ARHGAP12: variants seen among roughly 807,000 people sequenced by gnomAD.
ARHGAP12 encodes the protein Rho GTPase activating protein 12.
ARHGAP12 carries 64 observed loss-of-function variants against 108.6 expected under a neutral mutation model. That is an observed-to-expected ratio of 0.59 (90% CI 0.48 to 0.73). The LOEUF (loss-of-function observed/expected upper bound fraction) is 0.73. ARHGAP12 is among the 30% of genes least tolerant of loss of function. ARHGAP12 has a pLI of 0.00. For missense variants in ARHGAP12, 940 were observed against 1,005.9 expected (o/e 0.93, Z 0.89); for synonymous variants, 312 against 337.2 (o/e 0.93, Z 0.82).
At chr10:31,926,204 A>T (rs529808338) in intron 1 of ARHGAP12, among the ~76,000 whole-genome samples, 3 of 152,342 alleles carry the variant, frequency 2.0e-5, no homozygotes, top group Non-Finnish European at 4.4e-5. Flanking sequence ...GTTCAGTTCA[A>T]TTAAAGAGCT....
In ARHGAP12 at chr10:31,806,174, A is replaced by G. The variant is rs1372369514; in HGVS notation, c.*1484T>C. 5 of 152,326 alleles carry G rather than the reference A, an allele frequency of 3.3e-5. No homozygotes were observed. Among genetic ancestry groups the G allele is most frequent in the African/African-American group, 1.2e-4 (5 of 41,574 alleles). 9.4% of individuals were successfully genotyped at this position (152,326 alleles called of 1,614,324 possible). On this transcript the variant is annotated 3_prime_UTR_variant, in exon 20 of 20. Transcript: ENST00000344936. ...CATGGAAGAGAGGAGAAAAGGTATG[A>G]AATGAGGAAAGTGTTATTTGCCACA...
rs557490133 is a variant in ARHGAP12, at chr10:31,890,636, T to C, written c.684+17536A>G. Among the ~76,000 whole-genome samples, 3 of 152,278 alleles carry C rather than the reference T, an allele frequency of 2.0e-5. No homozygotes were observed. In the East Asian group the frequency reaches 5.8e-4, roughly 29 times the overall value. The stretch of plus-strand genomic sequence containing the variant: ...TCCAGGAGTGTGGCAAGAGAGGACT[T>C]ATCAAAAAGATTTATCAGCAGCAAG... On this transcript the variant is annotated intron_variant, in intron 3 of 19. Coordinates refer to ENST00000344936, the MANE Select transcript of ARHGAP12 (RefSeq NM_018287.7).
At chr10:31,836,263 G>T (rs1242952140) in intron 9 of ARHGAP12, among the ~76,000 whole-genome samples, 1 of 152,034 alleles carries the variant, frequency 6.6e-6, no homozygotes, top group South Asian at 2.1e-4. Context: ...ACTTTACTCA[G>T]TATTCAGTAA....
chr10:31,846,555 T>C (rs1482611865), intron 6 of ARHGAP12, among the ~76,000 whole-genome samples: 1 of 152,214 alleles, frequency 6.6e-6, no homozygotes, highest in African/African-American at 2.4e-5. Context: ...CTGGCTTCCA[T>C]GGCTTCTGAT....
chr10:31,905,552 C>T (rs192725892), intron 3 of ARHGAP12, among the ~76,000 whole-genome samples: 107 of 151,804 alleles, frequency 7.0e-4, no homozygotes, highest in Non-Finnish European at 1.1e-3. Flanking sequence ...TTCCAGGGGT[C>T]GCCGATAAAG....
At chr10:31,850,647 G>A (rs1000854999) in intron 6 of ARHGAP12, among the ~76,000 whole-genome samples, 11 of 152,026 alleles carry the variant, frequency 7.2e-5, no homozygotes, top group African/African-American at 2.7e-4. Flanking sequence ...GGTAACAGTC[G>A]TACTAAGCTT....
At chr10:31,881,364 C>T (rs899774182) in intron 3 of ARHGAP12, among the ~76,000 whole-genome samples, 9 of 151,906 alleles carry the variant, frequency 5.9e-5, no homozygotes, top group Admixed American at 2.6e-4. Context: ...GAGGCCAACA[C>T]GGAACACACA....
At chr10:31,910,304 T>C (rs1403973931) in intron 2 of ARHGAP12, among the ~76,000 whole-genome samples, 1 of 152,278 alleles carries the variant, frequency 6.6e-6, no homozygotes, top group Admixed American at 6.5e-5. Context: ...CTACTAATTT[T>C]CTATAGCAAA....
chr10:31,923,656 T>C lies in ARHGAP12; in HGVS notation c.-111+5027A>G, dbSNP rs185982196. Among the ~76,000 whole-genome samples the C allele has an allele frequency of 1.7e-4, 26 of 152,322 alleles. No individual in the cohort carries two copies. The East Asian group carries it at 4.6e-3, about 27-fold the overall frequency. On this transcript the variant is annotated intron_variant, in intron 1 of 19. Coordinates refer to ENST00000344936, the MANE Select transcript of ARHGAP12 (RefSeq NM_018287.7). ...CTGGGTGAATCTCAAAATAATTTTC[T>C]TGAGTGAAGAAAAATCCAGACCAGA...
intron 3 of ARHGAP12, among the ~76,000 whole-genome samples, chr10:31,881,167 G>GA (rs926063861): frequency 4.7e-5 from 7 of 148,396 alleles, no homozygotes; most frequent in Admixed American, 1.3e-4. Context: ...AAGAAAAAAA[G>GA]AAAAAAAACT....
At chr10:31,922,269 A>AGAG (rs928004351) in intron 1 of ARHGAP12, among the ~76,000 whole-genome samples, 18 of 151,658 alleles carry the variant, frequency 1.2e-4, no homozygotes, top group African/African-American at 4.4e-4. Context: ...TGGGAACAAA[A>AGAG]GAGAAAAGAA....
At chr10:31,860,492 C>G (rs763895783) in intron 4 of ARHGAP12, among the ~76,000 whole-genome samples, 1 of 152,216 alleles carries the variant, frequency 6.6e-6, no homozygotes, top group Admixed American at 6.5e-5. Flanking sequence ...ATTTACTGCA[C>G]CATCCTGCAA....
chr10:31,878,115 T>G (rs1326616065), intron 3 of ARHGAP12, among the ~76,000 whole-genome samples: 1 of 152,128 alleles, frequency 6.6e-6, no homozygotes, highest in Non-Finnish European at 1.5e-5. Flanking sequence ...ATGATTAAGC[T>G]GCACAAAATG....
chr10:31,810,099 G>A (rs569622018), intron 16 of ARHGAP12, among the ~76,000 whole-genome samples: 1 of 152,222 alleles, frequency 6.6e-6, no homozygotes, highest in Admixed American at 6.5e-5. Flanking sequence ...ATAAGTTAAT[G>A]TGATTACAAT....
chr10:31,883,491 A>G (rs1390430425), intron 3 of ARHGAP12, among the ~76,000 whole-genome samples: 2 of 152,206 alleles, frequency 1.3e-5, no homozygotes, highest in African/African-American at 2.4e-5. Context: ...AACATAGTAG[A>G]GGTATTTTTA....
intron 3 of ARHGAP12, among the ~76,000 whole-genome samples, chr10:31,871,511 T>G (rs545866480): frequency 1.3e-5 from 2 of 152,236 alleles, no homozygotes; most frequent in Admixed American, 1.3e-4. Context: ...CTGAACAGTC[T>G]CTTCACCCTG....
intron 3 of ARHGAP12, among the ~76,000 whole-genome samples, chr10:31,897,369 A>T (rs1838742781): frequency 6.6e-6 from 1 of 152,076 alleles, no homozygotes; most frequent in Non-Finnish European, 1.5e-5. Flanking sequence ...CACACACACT[A>T]AAAGGCTAAG....
At chr10:31,828,695 A>AT (rs538757106) in intron 10 of ARHGAP12, among the ~76,000 whole-genome samples, 14 of 151,426 alleles carry the variant, frequency 9.2e-5, no homozygotes, top group Admixed American at 3.3e-4. Flanking sequence ...AATTAGTCAC[A>AT]TTTTTTTTTC....
chr10:31,893,468 C>G (rs1008542947), intron 3 of ARHGAP12, among the ~76,000 whole-genome samples: 1 of 152,190 alleles, frequency 6.6e-6, no homozygotes, highest in Non-Finnish European at 1.5e-5. Flanking sequence ...CTATAAACAC[C>G]TCTATGCAAA....
Sources: allele counts gnomAD v4.1 joint callset (sites outside exome capture counted in the v4.1 genomes callset), GRCh38; gene constraint gnomAD v4.1.1; transcripts MANE v1.5; gene names NCBI Gene and HGNC (gene_info 2026-07-23, HGNC 2026-07-21).